Variants in ELAVL2 observed in about 807,000 individuals in gnomAD.
ELAVL2 encodes ELAV-like protein 2.
In ELAVL2, 4 loss-of-function variants were observed where a neutral mutation model predicts 34.6. The observed-to-expected ratio is 0.12, with a 90% confidence interval of 0.06 to 0.26. The LOEUF is 0.26. ELAVL2 is among the 10% of genes least tolerant of loss of function. ELAVL2 has a pLI of 1.00. For synonymous variants in ELAVL2, 193 were observed against 154.8 expected, an observed-to-expected ratio of 1.25 and a Z score of -1.83; for missense variants, 432 against 442.8, an observed-to-expected ratio of 0.98 and a Z score of 0.22.
intron 1 of ELAVL2, among the ~76,000 whole-genome samples, chr9:23,799,903 T>A (rs1477157670): frequency 6.6e-6 from 1 of 152,182 alleles, no homozygotes; most frequent in Non-Finnish European, 1.5e-5. Flanking sequence ...TTAAGAGGTC[T>A]CCCAGCAAAC....
intron 1 of ELAVL2, among the ~76,000 whole-genome samples, chr9:23,787,191 T>C (rs929001950): frequency 1.3e-5 from 2 of 152,052 alleles, no homozygotes; most frequent in African/African-American, 4.8e-5. Context: ...TAGGCCATGC[T>C]CTAAGCCGTT....
At chr9:23,790,311 G>GTAGA (rs1254072917) in intron 1 of ELAVL2, among the ~76,000 whole-genome samples, 1 of 152,166 alleles carries the variant, frequency 6.6e-6, no homozygotes, top group African/African-American at 2.4e-5. Context: ...TGAAAGGAGA[G>GTAGA]TAGATATTCT....
At position 23,768,003 on chromosome 9, in the gene ELAVL2, C is replaced by A. The variant is rs772839198; in HGVS notation, c.-15-5754G>T. ...CCACTCCATTGCCATGGTCAACATC[C>A]TGACCTGGGCTCTCATCTTCTTCAG... is the stretch of plus-strand genomic sequence containing the variant. On this transcript the variant is annotated intron_variant, in intron 1 of 6. Coordinates refer to ENST00000397312, the MANE Select transcript of ELAVL2 (RefSeq NM_004432.5). Among the ~76,000 whole-genome samples the A allele has an allele frequency of 5.9e-5, 9 of 152,258 alleles. No individual in the cohort carries two copies. In the Middle Eastern group the frequency reaches 0.01, roughly 173 times the overall value.
At chr9:23,846,358 C>G in the ELAVL2 span, among the ~76,000 whole-genome samples, 1 of 151,540 alleles carries the variant, frequency 6.6e-6, no homozygotes, top group Admixed American at 6.6e-5. Flanking sequence ...TACATATTAT[C>G]GTAAAAAAAT....
At chr9:23,750,444 G>T (rs2051658260) in intron 2 of ELAVL2, among the ~76,000 whole-genome samples, 1 of 151,968 alleles carries the variant, frequency 6.6e-6, no homozygotes, top group Admixed American at 6.6e-5. Context: ...AGAATATAAA[G>T]GTCTAAAAAC....
chr9:23,776,565 G>C (rs1419484201), intron 1 of ELAVL2, among the ~76,000 whole-genome samples: 2 of 152,148 alleles, frequency 1.3e-5, no homozygotes, highest in South Asian at 2.1e-4. Context: ...CAGATGCTGG[G>C]AAAACAAAGA....
chr9:23,749,387 A>C (rs1204762289), intron 2 of ELAVL2, among the ~76,000 whole-genome samples: 2 of 152,152 alleles, frequency 1.3e-5, no homozygotes, highest in Non-Finnish European at 2.9e-5. Flanking sequence ...TGGATGTCAA[A>C]ATAGGGTTTT....
At chr9:23,760,054 C>A (rs964978316) in intron 2 of ELAVL2, among the ~76,000 whole-genome samples, 3 of 151,534 alleles carry the variant, frequency 2.0e-5, no homozygotes, top group Non-Finnish European at 4.4e-5. Flanking sequence ...GCTTCTATTA[C>A]CACCGTCTAC....
chr9:23,822,241 C>A (rs999107604), intron 1 of ELAVL2, among the ~76,000 whole-genome samples: 2 of 151,982 alleles, frequency 1.3e-5, no homozygotes, highest in East Asian at 1.9e-4. Context: ...TAAAAATTCT[C>A]TTTTTCCCCC....
intron 1 of ELAVL2, among the ~76,000 whole-genome samples, chr9:23,766,971 T>C (rs1425125578): frequency 1.3e-5 from 2 of 152,224 alleles, no homozygotes; most frequent in Non-Finnish European, 2.9e-5. Context: ...TTTCAATATA[T>C]ATTCTCCTCT....
chr9:23,814,168 C>A (rs946753718), intron 1 of ELAVL2, among the ~76,000 whole-genome samples: 2 of 152,310 alleles, frequency 1.3e-5, no homozygotes, highest in Middle Eastern at 3.4e-3. Context: ...TCACGGATCA[C>A]CCTTCAGGAC....
intron 1 of ELAVL2, among the ~76,000 whole-genome samples, chr9:23,804,771 G>A (rs904310894): frequency 2.0e-5 from 3 of 152,112 alleles, no homozygotes; most frequent in Admixed American, 1.3e-4. Context: ...GGCACTGGGG[G>A]AAGTAAAGGC....
chr9:23,692,745 G>A lies in ELAVL2; in HGVS notation c.892C>T (p.Pro298Ser), dbSNP rs771275882. The stretch of plus-strand genomic sequence containing the variant: ...TTCACATTGGTGACAGCTCCAAAAG[G>A]CCCAAACATTTGCCACAGGATACTC... The part of the protein sequence containing the change: ...DESILWQMFG[P>S]FGAVTNVKVI... Residue 298 changes from proline (P) to serine (S), a missense_variant, in exon 7 of 7, where the codon CCT becomes TCT. By Grantham distance (74) the Pro-to-Ser change is moderately conservative. Coordinates refer to ENST00000397312, the MANE Select transcript of ELAVL2 (RefSeq NM_004432.5). 1 of 1,614,156 alleles carries A rather than the reference G, an allele frequency of 6.2e-7. No homozygotes were observed. The highest frequency in any genetic ancestry group is 8.5e-7 in the Non-Finnish European group (1 of 1,180,008).
At chr9:23,777,235 T>TAC (rs1174141506) in intron 1 of ELAVL2, among the ~76,000 whole-genome samples, 1 of 152,224 alleles carries the variant, frequency 6.6e-6, no homozygotes, top group Non-Finnish European at 1.5e-5. Context: ...TATCATCCAC[T>TAC]ACTTTAATCT....
At chr9:23,815,855 T>G (rs1211113773) in intron 1 of ELAVL2, among the ~76,000 whole-genome samples, 1 of 152,170 alleles carries the variant, frequency 6.6e-6, no homozygotes, top group Non-Finnish European at 1.5e-5. Flanking sequence ...GTGTGATTAT[T>G]TGTTTACAAA....
chr9:23,820,456 A>G (rs936727593), intron 1 of ELAVL2, among the ~76,000 whole-genome samples: 3 of 152,208 alleles, frequency 2.0e-5, no homozygotes, highest in Non-Finnish European at 4.4e-5. Context: ...CCATGTTTTC[A>G]GAAAATGTAG....
At chr9:23,732,428 A>G (rs946604294) in intron 2 of ELAVL2, among the ~76,000 whole-genome samples, 1 of 152,182 alleles carries the variant, frequency 6.6e-6, no homozygotes, top group African/African-American at 2.4e-5. Context: ...TTTCCTTTTT[A>G]AAAAAGAGAA....
chr9:23,788,530 A>G (rs1203239160), intron 1 of ELAVL2, among the ~76,000 whole-genome samples: 1 of 152,192 alleles, frequency 6.6e-6, no homozygotes, highest in Middle Eastern at 3.2e-3. Context: ...GACATTAACA[A>G]TAACTAAGAA....
At position 23,793,297 on chromosome 9, in the gene ELAVL2, C is replaced by A. The variant is rs568942735; in HGVS notation, c.-15-31048G>T. Among the ~76,000 whole-genome samples, 4 of 152,266 alleles carry A rather than the reference C, an allele frequency of 2.6e-5. No homozygotes were observed. In the East Asian group the frequency reaches 7.7e-4, roughly 29 times the overall value. On this transcript the variant is annotated intron_variant, in intron 1 of 6. Transcript: ENST00000397312. ...TCCACCAAATCATGCCAGGTACTTA[C>A]ACAATATCTGAAAGATGGTACCAAT...
Sources: allele counts gnomAD v4.1 joint callset (sites outside exome capture counted in the v4.1 genomes callset), GRCh38; gene constraint gnomAD v4.1.1; transcripts MANE v1.5; gene names NCBI Gene and HGNC (gene_info 2026-07-23, HGNC 2026-07-21).